FHIT: variants seen among roughly 807,000 people sequenced by gnomAD.
FHIT encodes the protein fragile histidine triad diadenosine triphosphatase.
In FHIT, 19 loss-of-function variants were observed where a neutral mutation model predicts 17.9. That is an observed-to-expected ratio of 1.06 (90% confidence interval 0.74 to 1.56). FHIT has a LOEUF of 1.56. Among genes scored for constraint, FHIT ranks in the 40% most tolerant of loss-of-function variants. FHIT has a pLI of 0.00. For missense variants in FHIT, 248 were observed against 189.2 expected, an observed-to-expected ratio of 1.31 and a Z score of -1.82; for synonymous variants, 81 against 69.7, an observed-to-expected ratio of 1.16 and a Z score of -0.81.
Position 60,509,755 on chromosome 3 carries a change from G to A in FHIT, c.103+27105C>T, listed in dbSNP as rs142309743. ...AATCCAGACTAGTCTTTCATCCTCTGTTGACAATGATCTGTTTCATTTTCA... is the reference window on the plus strand; with the variant it reads ...AATCCAGACTAGTCTTTCATCCTCTATTGACAATGATCTGTTTCATTTTCA... On this transcript the variant is annotated intron_variant, in intron 5 of 9. Transcript: ENST00000492590. Among the ~76,000 whole-genome samples the A allele has an allele frequency of 3.4e-4, 52 of 152,236 alleles. No homozygotes were observed. In the East Asian group the frequency reaches 9.7e-3, roughly 28 times the overall value.
At chr3:61,089,054 T>C (rs559253839) in intron 2 of FHIT, among the ~76,000 whole-genome samples, 1 of 152,272 alleles carries the variant, frequency 6.6e-6, no homozygotes, top group South Asian at 2.1e-4. Context: ...ATTACATCAG[T>C]GTCTCCTACT....
At chr3:60,382,686 G>A (rs1700854617) in intron 5 of FHIT, among the ~76,000 whole-genome samples, 1 of 152,124 alleles carries the variant, frequency 6.6e-6, no homozygotes, top group Non-Finnish European at 1.5e-5. Context: ...AATCTAATCA[G>A]AGGTTTTTTT....
rs138737439 is a variant in FHIT at position 60,357,939 on chromosome 3, A to G, written c.103+178921T>C. Among the ~76,000 whole-genome samples the G allele has an allele frequency of 4.3e-4, 66 of 152,258 alleles. No homozygotes were observed. The East Asian group carries it at 0.012, about 28-fold the overall frequency. The stretch of plus-strand genomic sequence containing the variant: ...CTCCCAGTAGATAAAAGACTCTCAT[A>G]ATTGTATTATGTACAGCAGCATCAG... On this transcript the variant is annotated intron_variant, in intron 5 of 9. Coordinates refer to ENST00000492590, the MANE Select transcript of FHIT (RefSeq NM_002012.4).
At chr3:60,197,450 AT>A (rs1218802061) in intron 5 of FHIT, among the ~76,000 whole-genome samples, 3 of 152,232 alleles carry the variant, frequency 2.0e-5, no homozygotes, top group Non-Finnish European at 4.4e-5. Flanking sequence ...CATTATATTT[AT>A]TTTAACAGTA....
At chr3:59,797,806 T>C (rs376514796) in intron 8 of FHIT, among the ~76,000 whole-genome samples, 6 of 152,240 alleles carry the variant, frequency 3.9e-5, no homozygotes, top group African/African-American at 1.4e-4. Context: ...GTGAAATTAA[T>C]ATGATAGCAT....
chr3:60,772,103 G>A (rs1700063418), intron 4 of FHIT, among the ~76,000 whole-genome samples: 1 of 151,866 alleles, frequency 6.6e-6, no homozygotes, highest in South Asian at 2.1e-4. Context: ...CAATAAATAT[G>A]TCTAGACTCT....
At chr3:60,704,954 C>T (rs1318330873) in intron 4 of FHIT, among the ~76,000 whole-genome samples, 1 of 151,826 alleles carries the variant, frequency 6.6e-6, no homozygotes, top group East Asian at 1.9e-4. Context: ...ATGACTGCCA[C>T]TCTGTCCAAG....
chr3:60,980,961 C>A (rs1710466686), intron 3 of FHIT, among the ~76,000 whole-genome samples: 2 of 152,228 alleles, frequency 1.3e-5, no homozygotes, highest in African/African-American at 4.8e-5. Flanking sequence ...CACACAATCT[C>A]CCATGGTACC....
At chr3:60,639,466 G>C (rs948156027) in intron 4 of FHIT, among the ~76,000 whole-genome samples, 1 of 152,134 alleles carries the variant, frequency 6.6e-6, no homozygotes, top group South Asian at 2.1e-4. Flanking sequence ...AGACAAAATT[G>C]CAATTTAGAA....
intron 2 of FHIT, among the ~76,000 whole-genome samples, chr3:61,178,343 G>C (rs1436458282): frequency 6.6e-6 from 1 of 151,838 alleles, no homozygotes; most frequent in Non-Finnish European, 1.5e-5. Flanking sequence ...CCCAACAGAG[G>C]CCACCTCATG....
intron 5 of FHIT, among the ~76,000 whole-genome samples, chr3:60,093,416 C>T (rs913748501): frequency 6.6e-6 from 1 of 152,162 alleles, no homozygotes; most frequent in African/African-American, 2.4e-5. Flanking sequence ...ACACTGAGCC[C>T]ACCTGGACAG....
intron 5 of FHIT, among the ~76,000 whole-genome samples, chr3:60,408,295 G>T (rs978211712): frequency 1.3e-5 from 2 of 152,070 alleles, no homozygotes; most frequent in Admixed American, 1.3e-4. Context: ...CAGCTTCCAG[G>T]CATAGACTTG....
At chr3:60,690,695 C>A in intron 4 of FHIT, 1 of 458,158 alleles carries the variant, frequency 2.2e-6, no homozygotes. Flanking sequence ...ACAGCAATGT[C>A]GAAGAAAACA....
intron 4 of FHIT, among the ~76,000 whole-genome samples, chr3:60,658,932 G>A (rs2040177940): frequency 6.7e-6 from 1 of 150,372 alleles, no homozygotes; most frequent in African/African-American, 2.4e-5. Context: ...TTCTTACAGA[G>A]CATGTGTAGT....
intron 2 of FHIT, among the ~76,000 whole-genome samples, chr3:61,116,661 G>C (rs1026852957): frequency 6.6e-6 from 1 of 151,632 alleles, no homozygotes; most frequent in African/African-American, 2.4e-5. Context: ...TCAATTTAAA[G>C]ATAAAGATGA....
chr3:60,062,146 T>G (rs576551968), intron 5 of FHIT, among the ~76,000 whole-genome samples: 14 of 152,222 alleles, frequency 9.2e-5, no homozygotes, highest in African/African-American at 3.4e-4. Flanking sequence ...AGATCACCAA[T>G]CAATAAAATA....
At chr3:60,787,380 C>A (rs1243258087) in intron 4 of FHIT, among the ~76,000 whole-genome samples, 2 of 152,198 alleles carry the variant, frequency 1.3e-5, no homozygotes, top group Non-Finnish European at 2.9e-5. Flanking sequence ...CTGGACCCCT[C>A]ATCCTGGGCT....
chr3:61,100,222 C>A (rs1199114164), intron 2 of FHIT, among the ~76,000 whole-genome samples: 3 of 152,070 alleles, frequency 2.0e-5, no homozygotes, highest in Admixed American at 6.5e-5. Flanking sequence ...CCCCACACCC[C>A]CCGACAGGAC....
chr3:60,170,960 A>C (rs1325001886), intron 5 of FHIT, among the ~76,000 whole-genome samples: 1 of 152,184 alleles, frequency 6.6e-6, no homozygotes. Context: ...TGGACAAGCA[A>C]AAACAAGGAG....
Sources: allele counts gnomAD v4.1 joint callset (sites outside exome capture counted in the v4.1 genomes callset), GRCh38; gene constraint gnomAD v4.1.1; transcripts MANE v1.5; gene names NCBI Gene and HGNC (gene_info 2026-07-23, HGNC 2026-07-21).